Variants in PTPRD observed in about 807,000 individuals in gnomAD.
The protein encoded by PTPRD is receptor-type tyrosine-protein phosphatase delta.
Under a neutral mutation model 214.5 loss-of-function variants are expected in PTPRD, and 34 were observed. That is an observed-to-expected ratio of 0.16 (90% confidence interval 0.12 to 0.21). The LOEUF (loss-of-function observed/expected upper bound fraction) is 0.21, where lower values mean the gene tolerates loss of function less well. Among genes scored for constraint, PTPRD ranks in the 10% least tolerant of loss-of-function variants. The pLI is 1.00. For synonymous variants in PTPRD, 1,128 were observed against 845.7 expected, an observed-to-expected ratio of 1.33 and a Z score of -5.79; for missense variants, 2,545 against 2,398.7, an observed-to-expected ratio of 1.06 and a Z score of -1.27.
At chr9:8,612,811 C>T (rs1488703983) in intron 14 of PTPRD, among the ~76,000 whole-genome samples, 1 of 152,152 alleles carries the variant, frequency 6.6e-6, no homozygotes, top group Non-Finnish European at 1.5e-5. Flanking sequence ...AGACATTTCA[C>T]ATTCTTTTTT....
chr9:10,259,890 C>T (rs1344277764), intron 3 of PTPRD, among the ~76,000 whole-genome samples: 1 of 152,080 alleles, frequency 6.6e-6, no homozygotes. Flanking sequence ...GCATGAACTC[C>T]CTCTGTCATA....
At chr9:9,502,478 G>A (rs145517530) in intron 8 of PTPRD, among the ~76,000 whole-genome samples, 17 of 151,938 alleles carry the variant, frequency 1.1e-4, no homozygotes, top group African/African-American at 2.4e-4. Context: ...TTTACCATAC[G>A]TATATGTATT....
At chr9:9,176,301 A>G (rs574427150) in intron 10 of PTPRD, among the ~76,000 whole-genome samples, 1 of 152,310 alleles carries the variant, frequency 6.6e-6, no homozygotes, top group Admixed American at 6.5e-5. Flanking sequence ...CTTTTCATGA[A>G]CATAATCATT....
At chr9:10,581,485 A>C (rs10959176) in intron 2 of PTPRD, among the ~76,000 whole-genome samples, 33,693 of 152,146 alleles carry the variant, frequency 0.22, 4,165 homozygotes, top group East Asian at 0.5. Context: ...TTAAGAAAGC[A>C]AACACTTTTC....
chr9:10,465,740 G>T (rs10959115), intron 2 of PTPRD, among the ~76,000 whole-genome samples: 6,039 of 152,264 alleles, frequency 0.04, 527 homozygotes, highest in Admixed American at 0.2. Flanking sequence ...ATGCCATATA[G>T]CCTAGGTGTG....
chr9:10,548,537 C>T (rs2060634494), intron 2 of PTPRD, among the ~76,000 whole-genome samples: 1 of 152,150 alleles, frequency 6.6e-6, no homozygotes, highest in South Asian at 2.1e-4. Context: ...AGTGAAACAT[C>T]TGAAAGACCT....
At chr9:10,422,100 T>C (rs1305981520) in intron 2 of PTPRD, among the ~76,000 whole-genome samples, 1 of 152,096 alleles carries the variant, frequency 6.6e-6, no homozygotes, top group Admixed American at 6.6e-5. Flanking sequence ...GTGGTACTGG[T>C]ACCAAAACAA....
chr9:10,515,140 C>A (rs2049612805), intron 2 of PTPRD, among the ~76,000 whole-genome samples: 1 of 151,968 alleles, frequency 6.6e-6, no homozygotes, highest in African/African-American at 2.4e-5. Flanking sequence ...CCTTTTAAGA[C>A]AAAAGCCAGT....
At chr9:10,226,427 A>G (rs1200501320) in intron 3 of PTPRD, among the ~76,000 whole-genome samples, 1 of 151,992 alleles carries the variant, frequency 6.6e-6, no homozygotes, top group African/African-American at 2.4e-5. Flanking sequence ...AGGTACAGAG[A>G]AAAAGAGGCT....
chr9:10,339,681 G>C (rs2096904487), intron 3 of PTPRD, among the ~76,000 whole-genome samples: 1 of 151,624 alleles, frequency 6.6e-6, no homozygotes, highest in African/African-American at 2.4e-5. Flanking sequence ...AGAAACCCGG[G>C]TGATTACAGC....
At chr9:8,751,353 T>C (rs1342315549) in intron 11 of PTPRD, among the ~76,000 whole-genome samples, 1 of 151,886 alleles carries the variant, frequency 6.6e-6, no homozygotes, top group African/African-American at 2.4e-5. Context: ...CGGATCTCTA[T>C]GGCCACACTT....
intron 43 of PTPRD, among the ~76,000 whole-genome samples, chr9:8,337,661 T>TAA (rs758648301): frequency 6.9e-6 from 1 of 145,714 alleles, no homozygotes; most frequent in Non-Finnish European, 1.5e-5. Context: ...AGGGAGACTT[T>TAA]AAAAAAAAAA....
chr9:9,232,663 T>C (rs2099963847), intron 9 of PTPRD, among the ~76,000 whole-genome samples: 1 of 152,174 alleles, frequency 6.6e-6, no homozygotes, highest in Admixed American at 6.5e-5. Flanking sequence ...GTCTTTTGTT[T>C]AGTTTTATAT....
intron 11 of PTPRD, among the ~76,000 whole-genome samples, chr9:8,974,591 G>C (rs2099257563): frequency 6.6e-6 from 1 of 151,874 alleles, no homozygotes; most frequent in Non-Finnish European, 1.5e-5. Flanking sequence ...CATCAGTAGA[G>C]GAATGGCCAT....
chr9:8,558,240 G>T (rs113217766), intron 14 of PTPRD, among the ~76,000 whole-genome samples: 3 of 152,268 alleles, frequency 2.0e-5, no homozygotes, highest in African/African-American at 7.2e-5. Context: ...TGCAAACGGA[G>T]ACAACTAAAG....
intron 5 of PTPRD, among the ~76,000 whole-genome samples, chr9:9,868,733 CAAAGAA>C (rs2064660799): frequency 6.8e-6 from 1 of 147,700 alleles, no homozygotes; most frequent in African/African-American, 2.7e-5. Flanking sequence ...ACTCCTGGAA[CAAAGAA>C]AAATGAAATC....
At chr9:9,300,373 C>T (rs1236714254) in intron 9 of PTPRD, among the ~76,000 whole-genome samples, 1 of 151,690 alleles carries the variant, frequency 6.6e-6, no homozygotes, top group Non-Finnish European at 1.5e-5. Flanking sequence ...CACTTCCTTC[C>T]TTGGAAGCTT....
At chr9:9,136,486 T>A (rs1483360242) in intron 10 of PTPRD, among the ~76,000 whole-genome samples, 1 of 152,064 alleles carries the variant, frequency 6.6e-6, no homozygotes, top group Non-Finnish European at 1.5e-5. Flanking sequence ...ACGCAATTAA[T>A]GGAACACCTC....
In PTPRD at chr9:9,781,599, C is replaced by A. The variant is rs1311864905; in HGVS notation, c.-367-14748G>T. On this transcript the variant is annotated intron_variant, in intron 5 of 45. Transcript: ENST00000381196. Reference sequence around the variant, plus strand: ...CAGGAAGTCTGAAGCACCAAGCACACTGAAATACAGTAGGTGCTCAACAAG... The same window carrying A: ...CAGGAAGTCTGAAGCACCAAGCACAATGAAATACAGTAGGTGCTCAACAAG... Among the ~76,000 whole-genome samples the A allele has an allele frequency of 2.6e-4, 40 of 152,138 alleles. 1 individual carries two copies. Among genetic ancestry groups the A allele is most frequent in the Admixed American group, 2.6e-3 (40 of 15,276 alleles).
Sources: gnomAD v4.1 joint callset for allele counts (sites outside exome capture counted in the v4.1 genomes callset) on GRCh38, gnomAD v4.1.1 for gene constraint, MANE v1.5 for transcripts, NCBI Gene and HGNC (gene_info 2026-07-23, HGNC 2026-07-21) for gene names.